UNC5D: variants seen among roughly 807,000 people sequenced by gnomAD.
The protein encoded by UNC5D is unc-5 netrin receptor D, also known as netrin receptor UNC5D.
UNC5D carries 39 observed loss-of-function variants against 105.4 expected under a neutral mutation model. The ratio of observed to expected loss-of-function variants is 0.37; its 90% confidence interval spans 0.29 to 0.48. The LOEUF (loss-of-function observed/expected upper bound fraction) is 0.48, where lower values mean the gene tolerates loss of function less well. UNC5D is among the 20% of genes least tolerant of loss of function. The pLI, the probability that UNC5D is intolerant of heterozygous loss-of-function variation, is 0.98. For synonymous variants in UNC5D, 452 were observed against 450.4 expected (o/e 1.00, Z -0.04); for missense variants, 991 against 1,202.4 (o/e 0.82, Z 2.60).
intron 4 of UNC5D, 69 bp downstream of exon 4, chr8:35,595,726 C>T: frequency 2.1e-6 from 3 of 1,412,496 alleles, no homozygotes; most frequent in Non-Finnish European, 3.0e-6. Context: ...GGGCGGAGTC[C>T]TGTGTGGCTG....
At chr8:35,513,136 T>C (rs932332205) in intron 1 of UNC5D, among the ~76,000 whole-genome samples, 3 of 152,110 alleles carry the variant, frequency 2.0e-5, no homozygotes, top group Non-Finnish European at 4.4e-5. Flanking sequence ...ACTTCGCACT[T>C]GCTATTCTGG....
rs1404568401 is a variant in UNC5D, at chr8:35,791,950, T to C, written c.*1387T>C. On this transcript the variant is annotated 3_prime_UTR_variant, in exon 17 of 17. Transcript: ENST00000404895. ...TCCTATTAAATTATTTTTGACAAGATGTCCTGGTAGACTAAAGGTGAACAG... is the reference window on the plus strand; with the variant it reads ...TCCTATTAAATTATTTTTGACAAGACGTCCTGGTAGACTAAAGGTGAACAG... 2 of 152,178 alleles carry C rather than the reference T, an allele frequency of 1.3e-5. No individual in the cohort carries two copies. Among genetic ancestry groups the C allele is most frequent in the Non-Finnish European group, 2.9e-5 (2 of 68,032 alleles). 9.4% of individuals were successfully genotyped at this position (152,178 alleles called of 1,614,324 possible). A position where few individuals can be genotyped will look rare whatever the true frequency, so the allele number is the denominator to read the frequency against.
chr8:35,462,051 C>G (rs940700032), intron 1 of UNC5D, among the ~76,000 whole-genome samples: 3 of 152,070 alleles, frequency 2.0e-5, no homozygotes, highest in Admixed American at 2.0e-4. Flanking sequence ...AAAACTTGCT[C>G]TAGTGCTTAG....
intron 1 of UNC5D, among the ~76,000 whole-genome samples, chr8:35,483,421 A>T (rs555853753): frequency 6.6e-6 from 1 of 152,160 alleles, no homozygotes; most frequent in Non-Finnish European, 1.5e-5. Flanking sequence ...CACCAGCAGG[A>T]GGTGTGTGTG....
chr8:35,477,898 G>A (rs754484264), intron 1 of UNC5D, among the ~76,000 whole-genome samples: 7 of 152,010 alleles, frequency 4.6e-5, no homozygotes, highest in Non-Finnish European at 1.0e-4. Flanking sequence ...AAAGCTACTG[G>A]TTAAATAGGA....
At chr8:35,311,178 C>A (rs1335552392) in intron 1 of UNC5D, among the ~76,000 whole-genome samples, 1 of 152,192 alleles carries the variant, frequency 6.6e-6, no homozygotes, top group Non-Finnish European at 1.5e-5. Context: ...ATAAGAGTTG[C>A]GTATTTGAGT....
At chr8:35,538,984 T>C (rs13265153) in intron 1 of UNC5D, among the ~76,000 whole-genome samples, 11,512 of 152,160 alleles carry the variant, frequency 0.076, 476 homozygotes, top group Non-Finnish European at 0.087. Context: ...AATATAGATA[T>C]GTGCAGAATT....
intron 1 of UNC5D, among the ~76,000 whole-genome samples, chr8:35,512,498 A>G (rs1251686104): frequency 3.5e-5 from 4 of 115,716 alleles, no homozygotes; most frequent in African/African-American, 1.5e-4. Context: ...ATATATATAT[A>G]TATATATATA....
intron 4 of UNC5D, among the ~76,000 whole-genome samples, chr8:35,600,665 ATTTC>A (rs1819804199): frequency 6.6e-6 from 1 of 151,906 alleles, no homozygotes; most frequent in Non-Finnish European, 1.5e-5. Flanking sequence ...TTTCTTGTAA[ATTTC>A]TTTGAGTTCA....
At chr8:35,432,543 T>C (rs1174530295) in intron 1 of UNC5D, among the ~76,000 whole-genome samples, 1 of 152,168 alleles carries the variant, frequency 6.6e-6, no homozygotes, top group Non-Finnish European at 1.5e-5. Context: ...ATAGTAAATA[T>C]TTTAACTCCA....
At chr8:35,736,322 G>A (rs888353050) in intron 11 of UNC5D, among the ~76,000 whole-genome samples, 1 of 152,204 alleles carries the variant, frequency 6.6e-6, no homozygotes, top group African/African-American at 2.4e-5. Context: ...TGTAAGCCAA[G>A]ATTGCACCAC....
At chr8:35,283,472 T>G (rs1186041727) in intron 1 of UNC5D, among the ~76,000 whole-genome samples, 1 of 152,060 alleles carries the variant, frequency 6.6e-6, no homozygotes, top group Non-Finnish European at 1.5e-5. Context: ...TTAAAAATGC[T>G]CATACCTGGC....
At chr8:35,600,349 C>A (rs2130922523) in intron 4 of UNC5D, among the ~76,000 whole-genome samples, 1 of 152,270 alleles carries the variant, frequency 6.6e-6, no homozygotes, top group East Asian at 1.9e-4. Flanking sequence ...AATGGTATTT[C>A]TAGTTCTAGA....
At chr8:35,396,668 T>G (rs1388976213) in intron 1 of UNC5D, among the ~76,000 whole-genome samples, 4 of 151,984 alleles carry the variant, frequency 2.6e-5, no homozygotes, top group African/African-American at 9.7e-5. Context: ...CACCTAATTT[T>G]TGTGTTTTCA....
chr8:35,611,464 A>T (rs1460614560), intron 4 of UNC5D, among the ~76,000 whole-genome samples: 1 of 152,220 alleles, frequency 6.6e-6, no homozygotes, highest in Non-Finnish European at 1.5e-5. Context: ...TATTATTGTT[A>T]TTAAAACACT....
At chr8:35,397,513 C>T (rs1313724435) in intron 1 of UNC5D, among the ~76,000 whole-genome samples, 2 of 152,138 alleles carry the variant, frequency 1.3e-5, no homozygotes, top group East Asian at 1.9e-4. Context: ...ACTTGCTTGC[C>T]GGAAGTGTAA....
intron 1 of UNC5D, among the ~76,000 whole-genome samples, chr8:35,308,199 A>G (rs944840650): frequency 3.3e-5 from 5 of 151,456 alleles, no homozygotes; most frequent in African/African-American, 1.2e-4. Context: ...TTAACACATG[A>G]TATTTGTGTA....
chr8:35,736,101 G>A (rs1174224524), intron 11 of UNC5D, among the ~76,000 whole-genome samples: 1 of 152,086 alleles, frequency 6.6e-6, no homozygotes, highest in Non-Finnish European at 1.5e-5. Context: ...CACCTTTGAG[G>A]GCCTTGATTT....
chr8:35,790,879 G>A lies in UNC5D; in HGVS notation c.*316G>A, dbSNP rs1317087017. 1 of 376,288 alleles carries A rather than the reference G, an allele frequency of 2.7e-6. No homozygotes were observed. Among genetic ancestry groups the A allele is most frequent in the African/African-American group, 2.0e-5 (1 of 49,370 alleles). 23.3% of individuals were successfully genotyped at this position (376,288 alleles called of 1,614,324 possible). On this transcript the variant is annotated 3_prime_UTR_variant, in exon 17 of 17. Transcript: ENST00000404895. ...GGAAAAGATGAGCTATGATAATGCT[G>A]GGAAGGCAGAGATTGATTAAGTGCA...
Sources: allele counts gnomAD v4.1 joint callset (sites outside exome capture counted in the v4.1 genomes callset), GRCh38; gene constraint gnomAD v4.1.1; transcripts MANE v1.5; gene names NCBI Gene and HGNC (gene_info 2026-07-23, HGNC 2026-07-21).